The following PLXNA4 variants were observed in gnomAD, a reference collection of about 807,000 sequenced individuals.
The protein encoded by PLXNA4 is plexin A4.
A neutral mutation model predicts 191.8 loss-of-function variants in PLXNA4; 44 were observed. That is an observed-to-expected ratio of 0.23 (90% CI 0.18 to 0.29). The LOEUF (loss-of-function observed/expected upper bound fraction) is 0.29, where lower values mean the gene tolerates loss of function less well. Among genes scored for constraint, PLXNA4 ranks in the 10% least tolerant of loss-of-function variants. The probability of loss-of-function intolerance (pLI) is 1.00; values close to 1 mark genes in which losing one functional copy is unlikely to be tolerated. For synonymous variants in PLXNA4, 1,082 were observed against 1,009.5 expected (o/e 1.07, Z -1.36); for missense variants, 1,800 against 2,488.8 (o/e 0.72, Z 5.89).
At chr7:132,544,116 T>C (rs1044429460) in intron 1 of PLXNA4, among the ~76,000 whole-genome samples, 8 of 152,190 alleles carry the variant, frequency 5.3e-5, no homozygotes, top group Non-Finnish European at 1.2e-4. Context: ...AAGATGATAT[T>C]GAGGTTTTGA....
intron 2 of PLXNA4, among the ~76,000 whole-genome samples, chr7:132,603,295 T>C (rs530951699): frequency 2.5e-5 from 1 of 39,736 alleles, no homozygotes; most frequent in East Asian, 4.2e-4. Context: ...TGGAATTAAT[T>C]CCACCCCGGG....
At chr7:132,230,839 T>C (rs182248320) in intron 5 of PLXNA4, among the ~76,000 whole-genome samples, 2 of 152,218 alleles carry the variant, frequency 1.3e-5, no homozygotes, top group African/African-American at 4.8e-5. Flanking sequence ...GATTAAATTA[T>C]GAAGAGAGCG....
At chr7:132,574,002 A>C (rs1802105310) in intron 1 of PLXNA4, among the ~76,000 whole-genome samples, 1 of 152,206 alleles carries the variant, frequency 6.6e-6, no homozygotes, top group Admixed American at 6.5e-5. Flanking sequence ...GGGCTGGGCA[A>C]GAGAGCCAGG....
At chr7:132,149,385 G>T (rs1222327401) in intron 25 of PLXNA4, among the ~76,000 whole-genome samples, 1 of 152,208 alleles carries the variant, frequency 6.6e-6, no homozygotes, top group African/African-American at 2.4e-5. Context: ...ATGGGAGGCT[G>T]TTTCTCATCA....
chr7:132,636,766 C>T (rs1219645488), intron 2 of PLXNA4, among the ~76,000 whole-genome samples: 2 of 152,196 alleles, frequency 1.3e-5, no homozygotes, highest in Admixed American at 6.5e-5. Context: ...CCTAGCAGTT[C>T]TCTGAGCTTC....
chr7:132,426,638 G>C (rs774276478), intron 3 of PLXNA4, among the ~76,000 whole-genome samples: 1 of 152,106 alleles, frequency 6.6e-6, no homozygotes, highest in Non-Finnish European at 1.5e-5. Flanking sequence ...CCTTTCTATA[G>C]CTTAAGTGAG....
chr7:132,596,980 C>G (rs1479884231), intron 2 of PLXNA4, among the ~76,000 whole-genome samples: 1 of 151,998 alleles, frequency 6.6e-6, no homozygotes, highest in African/African-American at 2.4e-5. Flanking sequence ...GTCACACTAA[C>G]TACATTGGGA....
intron 1 of PLXNA4, among the ~76,000 whole-genome samples, chr7:132,521,793 G>A (rs531335497): frequency 6.6e-6 from 1 of 152,222 alleles, no homozygotes; most frequent in South Asian, 2.1e-4. Flanking sequence ...TCCTCAACAA[G>A]CCGACCTCTA....
intron 3 of PLXNA4, chr7:132,385,306 T>C (rs754439522): frequency 3.7e-6 from 6 of 1,607,914 alleles, no homozygotes; most frequent in Non-Finnish European, 5.1e-6. Context: ...CTGGAAAAGA[T>C]GAAACCTTAG....
intron 4 of PLXNA4, among the ~76,000 whole-genome samples, chr7:132,278,567 C>T (rs904793850): frequency 4.6e-5 from 7 of 152,172 alleles, no homozygotes; most frequent in African/African-American, 4.8e-5. Context: ...TTAATAATGA[C>T]CAGCCTCTTC....
intron 4 of PLXNA4, among the ~76,000 whole-genome samples, chr7:132,293,337 C>A (rs534775127): frequency 6.6e-6 from 1 of 152,224 alleles, no homozygotes; most frequent in African/African-American, 2.4e-5. Context: ...GCTGGGGAGG[C>A]CTCACAATCA....
At chr7:132,384,472 G>A (rs1427402175) in intron 3 of PLXNA4, 1 of 985,660 alleles carries the variant, frequency 1.0e-6, no homozygotes, top group Non-Finnish European at 1.2e-6. Flanking sequence ...TGGCCATGCA[G>A]GAGACACTGC....
intron 4 of PLXNA4, among the ~76,000 whole-genome samples, chr7:132,297,149 G>T (rs1435991848): frequency 1.3e-5 from 2 of 152,184 alleles, no homozygotes; most frequent in Non-Finnish European, 2.9e-5. Flanking sequence ...AGAGAGTTCA[G>T]GCCACGCTGA....
At chr7:132,363,125 C>T (rs12537485) in intron 3 of PLXNA4, among the ~76,000 whole-genome samples, 37,057 of 152,028 alleles carry the variant, frequency 0.24, 5,090 homozygotes, top group East Asian at 0.4. Flanking sequence ...GCTGGGACTA[C>T]AGGCATGCGC....
chr7:132,195,405 A>T (rs1233372337), intron 13 of PLXNA4, among the ~76,000 whole-genome samples: 1 of 152,180 alleles, frequency 6.6e-6, no homozygotes, highest in African/African-American at 2.4e-5. Context: ...TGCTACTCCA[A>T]ATAATTCTGC....
chr7:132,325,533 A>T (rs915860562), intron 3 of PLXNA4, among the ~76,000 whole-genome samples: 12 of 152,192 alleles, frequency 7.9e-5, no homozygotes, highest in Non-Finnish European at 1.8e-4. Flanking sequence ...TGGAGTCTAC[A>T]CCATATTACT....
chr7:132,644,342 T>C (rs1380144790), intron 2 of PLXNA4, among the ~76,000 whole-genome samples: 1 of 152,234 alleles, frequency 6.6e-6, no homozygotes, highest in East Asian at 1.9e-4. Flanking sequence ...ACATTCATTA[T>C]CACTATCACA....
At chr7:132,590,190 T>C (rs1354548991) in intron 2 of PLXNA4, among the ~76,000 whole-genome samples, 1 of 152,170 alleles carries the variant, frequency 6.6e-6, no homozygotes, top group East Asian at 1.9e-4. Flanking sequence ...CCTGGTTCCA[T>C]AAAAGTGAAC....
chr7:132,332,926 C>A (rs1802651972), intron 3 of PLXNA4, among the ~76,000 whole-genome samples: 1 of 152,032 alleles, frequency 6.6e-6, no homozygotes. Flanking sequence ...AAAAGTTCCA[C>A]TTATCTATGA....
Sources: gnomAD v4.1 joint callset for allele counts (sites outside exome capture counted in the v4.1 genomes callset) on GRCh38, gnomAD v4.1.1 for gene constraint, MANE v1.5 for transcripts, NCBI Gene and HGNC (gene_info 2026-07-23, HGNC 2026-07-21) for gene names.